The following PPP1R14C variants were observed in gnomAD, a reference collection of about 807,000 sequenced individuals.
The protein encoded by PPP1R14C is protein phosphatase 1 regulatory inhibitor subunit 14C, also known as protein phosphatase 1 regulatory subunit 14C.
In PPP1R14C, 16 loss-of-function variants were observed where a neutral mutation model predicts 20.4. That is an observed-to-expected ratio of 0.78 (90% CI 0.53 to 1.19). The LOEUF is 1.19. Ranked by LOEUF, PPP1R14C falls within the 50% of genes most tolerant of loss-of-function variation. The pLI is 0.00. For missense variants in PPP1R14C, 211 were observed against 220.1 expected (o/e 0.96, Z 0.26); for synonymous variants, 91 against 91.0 (o/e 1.00, Z 0.00).
intron 3 of PPP1R14C, among the ~76,000 whole-genome samples, chr6:150,225,985 T>C (rs911301044): frequency 1.3e-5 from 2 of 152,244 alleles, no homozygotes; most frequent in African/African-American, 2.4e-5. Flanking sequence ...TGATATTGTT[T>C]TTGGTGTGTC....
chr6:150,240,648 A>C (rs370479824), intron 3 of PPP1R14C, among the ~76,000 whole-genome samples: 2 of 152,230 alleles, frequency 1.3e-5, no homozygotes, highest in African/African-American at 4.8e-5. Flanking sequence ...GAGAGGACCT[A>C]TCAGAAGTAC....
At chr6:150,205,213 C>T (rs1777933050) in intron 1 of PPP1R14C, among the ~76,000 whole-genome samples, 1 of 152,094 alleles carries the variant, frequency 6.6e-6, no homozygotes, top group Admixed American at 6.5e-5. Context: ...ACCTCCTCAG[C>T]CTAGTTCCTT....
In PPP1R14C at chr6:150,159,618, T is replaced by C. The variant is rs1447586933; in HGVS notation, c.306+16120T>C. Among the ~76,000 whole-genome samples the C allele has an allele frequency of 7.4e-4, 3 of 4,052 alleles. No homozygotes were observed. The East Asian group carries it at 0.054, about 72-fold the overall frequency. The allele number at this position is 4,052 out of a possible 152,430, so 2.7% of individuals were successfully genotyped here. On this transcript the variant is annotated intron_variant, in intron 1 of 3. Coordinates refer to ENST00000361131, the MANE Select transcript of PPP1R14C (RefSeq NM_030949.3). ...CTTCGTCTGTCTCTGCCAGGCATTC[T>C]TTTTTTTTTTTTTTAAACAAATAAG...
intron 1 of PPP1R14C, among the ~76,000 whole-genome samples, chr6:150,180,237 G>A (rs928741673): frequency 1.3e-5 from 2 of 152,188 alleles, no homozygotes; most frequent in African/African-American, 4.8e-5. Flanking sequence ...TAACTGAGAT[G>A]ATTCATGCAG....
chr6:150,215,560 G>A (rs1465090673), intron 2 of PPP1R14C, among the ~76,000 whole-genome samples: 1 of 152,184 alleles, frequency 6.6e-6, no homozygotes, highest in Non-Finnish European at 1.5e-5. Flanking sequence ...GGGCACATTT[G>A]AATGTATTAA....
intron 3 of PPP1R14C, among the ~76,000 whole-genome samples, chr6:150,228,582 A>G (rs1048938987): frequency 6.6e-6 from 1 of 152,188 alleles, no homozygotes; most frequent in African/African-American, 2.4e-5. Context: ...TCACATAGAC[A>G]TAGTTGACTA....
At chr6:150,157,404 T>C (rs1030481746) in intron 1 of PPP1R14C, among the ~76,000 whole-genome samples, 2 of 151,478 alleles carry the variant, frequency 1.3e-5, no homozygotes, top group African/African-American at 4.9e-5. Flanking sequence ...GGCTTCTTAC[T>C]GGTGGTGGGA....
intron 1 of PPP1R14C, among the ~76,000 whole-genome samples, chr6:150,168,147 T>C (rs1021090342): frequency 5.1e-5 from 6 of 117,358 alleles, no homozygotes; most frequent in Non-Finnish European, 6.9e-5. Context: ...CAATACAGCG[T>C]CCCTTTTTTT....
Position 150,170,343 on chromosome 6 carries a change from G to A in PPP1R14C, c.306+26845G>A, listed in dbSNP as rs1310501328. On this transcript the variant is annotated intron_variant, in intron 1 of 3. Coordinates refer to ENST00000361131, the MANE Select transcript of PPP1R14C (RefSeq NM_030949.3). ...TTTTTTTTTTTTTTTCTTTTTTTGA[G>A]ATGGAGTCTCACTCTGTCTCCCAGG... Among the ~76,000 whole-genome samples the A allele has an allele frequency of 2.0e-5, 3 of 147,484 alleles. No homozygotes were observed. In the East Asian group the frequency reaches 5.9e-4, roughly 29 times the overall value.
intron 3 of PPP1R14C, among the ~76,000 whole-genome samples, chr6:150,231,622 A>G (rs1778297457): frequency 6.6e-6 from 1 of 152,150 alleles, no homozygotes; most frequent in Non-Finnish European, 1.5e-5. Context: ...CTTATTTCTT[A>G]TGCACTCACT....
At chr6:150,155,646 T>G (rs1777297280) in intron 1 of PPP1R14C, among the ~76,000 whole-genome samples, 1 of 152,188 alleles carries the variant, frequency 6.6e-6, no homozygotes, top group Non-Finnish European at 1.5e-5. Context: ...CATTTTCAAA[T>G]ATGCTTCATC....
chr6:150,157,627 G>A (rs986431198), intron 1 of PPP1R14C, among the ~76,000 whole-genome samples: 5 of 152,176 alleles, frequency 3.3e-5, no homozygotes, highest in East Asian at 1.9e-4. Flanking sequence ...CACTGCATCC[G>A]TTGGCTTCTG....
intron 3 of PPP1R14C, among the ~76,000 whole-genome samples, chr6:150,236,592 G>A (rs1226679284): frequency 2.2e-5 from 3 of 136,120 alleles, no homozygotes; most frequent in African/African-American, 5.5e-5. Context: ...AGCTGAAAGC[G>A]GAGGGAGGTG....
intron 1 of PPP1R14C, among the ~76,000 whole-genome samples, chr6:150,202,086 G>A (rs1310942928): frequency 6.6e-6 from 1 of 152,182 alleles, no homozygotes; most frequent in African/African-American, 2.4e-5. Flanking sequence ...CCGGGGGCCT[G>A]CCCTCTGACC....
At chr6:150,228,751 G>A (rs1343116155) in intron 3 of PPP1R14C, among the ~76,000 whole-genome samples, 1 of 152,100 alleles carries the variant, frequency 6.6e-6, no homozygotes, top group Non-Finnish European at 1.5e-5. Context: ...CACCTCTCAG[G>A]AGGTGAGGGC....
intron 3 of PPP1R14C, among the ~76,000 whole-genome samples, chr6:150,231,793 T>G (rs1233316986): frequency 6.6e-6 from 1 of 152,256 alleles, no homozygotes; most frequent in Admixed American, 6.5e-5. Context: ...CGGACACTTA[T>G]CCTTGTTAAT....
intron 1 of PPP1R14C, among the ~76,000 whole-genome samples, chr6:150,208,326 CTA>C (rs1412697822): frequency 6.6e-6 from 1 of 152,156 alleles, no homozygotes; most frequent in Non-Finnish European, 1.5e-5. Context: ...CATTAATTCT[CTA>C]TCTTCCATGT....
chr6:150,226,373 G>T (rs900699083), intron 3 of PPP1R14C, among the ~76,000 whole-genome samples: 1 of 152,174 alleles, frequency 6.6e-6, no homozygotes, highest in Non-Finnish European at 1.5e-5. Flanking sequence ...GATATTACTT[G>T]TATTTGCATG....
intron 3 of PPP1R14C, among the ~76,000 whole-genome samples, chr6:150,248,139 G>A (rs918595497): frequency 6.6e-6 from 1 of 152,084 alleles, no homozygotes; most frequent in Non-Finnish European, 1.5e-5. Context: ...CTACTCTGAT[G>A]ACCTTATCTA....
Sources: allele counts gnomAD v4.1 joint callset (sites outside exome capture counted in the v4.1 genomes callset), GRCh38; gene constraint gnomAD v4.1.1; transcripts MANE v1.5; gene names NCBI Gene and HGNC (gene_info 2026-07-23, HGNC 2026-07-21).